ADNP2: variants seen among roughly 807,000 people sequenced by gnomAD.
The protein encoded by ADNP2 is ADNP homeobox 2.
Under a neutral mutation model 16.4 loss-of-function variants are expected in ADNP2, and 8 were observed. The observed-to-expected ratio is 0.49, with a 90% CI of 0.29 to 0.88. The LOEUF (loss-of-function observed/expected upper bound fraction) is 0.88. ADNP2 is among the 40% of genes least tolerant of loss of function. The pLI is 0.09. For synonymous variants in ADNP2, 637 were observed against 545.8 expected (o/e 1.17, Z -2.33); for missense variants, 1,397 against 1,395.1 (o/e 1.00, Z -0.02).
rs2052500346 is a variant in ADNP2 at position 80,132,037 on chromosome 18, AT to A, written c.109-1065del. Among the ~76,000 whole-genome samples, 4 of 152,346 alleles carry A rather than the reference AT, an allele frequency of 2.6e-5. No individual in the cohort carries two copies. The South Asian group carries it at 8.3e-4, about 32-fold the overall frequency. On this transcript the variant is annotated intron_variant, in intron 2 of 3. Coordinates refer to ENST00000262198, the MANE Select transcript of ADNP2 (RefSeq NM_014913.4). ...TTGAAGTACTTTTTTGTTTCTTTAT[AT>A]GTACTCATGAAGCTACATGGGTTTT...
chr18:80,111,862 T>C (rs72976350), intron 1 of ADNP2, among the ~76,000 whole-genome samples: 38,581 of 152,012 alleles, frequency 0.25, 6,415 homozygotes, highest in Non-Finnish European at 0.38. Flanking sequence ...TCTTTTAGAA[T>C]GTATTTTTTT....
At chr18:80,128,857 G>A (rs1053683962) in intron 2 of ADNP2, among the ~76,000 whole-genome samples, 1 of 151,686 alleles carries the variant, frequency 6.6e-6, no homozygotes, top group Non-Finnish European at 1.5e-5. Flanking sequence ...GCAGGTAACC[G>A]TTTCTAATTA....
At chr18:80,133,302 A>G in intron 3 of ADNP2, 110 bp downstream of exon 3, 1 of 857,594 alleles carries the variant, frequency 1.2e-6, no homozygotes, top group South Asian at 1.4e-5. Flanking sequence ...GTGAATGGGG[A>G]GGAGGAATAA....
At chr18:80,121,681 G>T (rs575800161) in intron 2 of ADNP2, among the ~76,000 whole-genome samples, 1 of 152,200 alleles carries the variant, frequency 6.6e-6, no homozygotes, top group East Asian at 1.9e-4. Flanking sequence ...ATGTTAAGTC[G>T]CTGATCTATT....
Position 80,138,450 on chromosome 18 carries a change from A to G in ADNP2, c.3037A>G (p.Ser1013Gly), listed in dbSNP as rs774053283. 2 of 1,614,076 alleles carry G rather than the reference A, an allele frequency of 1.2e-6. No homozygotes were observed. Among genetic ancestry groups the G allele is most frequent in the African/African-American group, 1.3e-5 (1 of 75,034 alleles). Residue 1013 changes from serine (S) to glycine (G), a missense_variant, in exon 4 of 4, where the codon AGT becomes GGT. By Grantham distance (56) the Ser-to-Gly change is moderately conservative (BLOSUM62 0). Coordinates refer to ENST00000262198, the MANE Select transcript of ADNP2 (RefSeq NM_014913.4). Reference sequence around the variant, plus strand: ...AGCCCCGGGTCCAGAAAAGGTGACGAGTGTTGTGCCTTTTAAAAGACAAAG... The same window carrying G: ...AGCCCCGGGTCCAGAAAAGGTGACGGGTGTTGTGCCTTTTAAAAGACAAAG... ...DAAPGPEKVTSVVPFKRQRNE... is the reference protein window; with the variant it reads ...DAAPGPEKVTGVVPFKRQRNE...
chr18:80,121,021 ATAGT>A (rs1490484842), intron 2 of ADNP2, among the ~76,000 whole-genome samples: 2 of 152,208 alleles, frequency 1.3e-5, no homozygotes, highest in Admixed American at 6.5e-5. Context: ...TTTGGGTCAT[ATAGT>A]TATTCTGTTT....
chr18:80,123,158 T>C (rs1173396663), intron 2 of ADNP2, among the ~76,000 whole-genome samples: 1 of 152,218 alleles, frequency 6.6e-6, no homozygotes, highest in Non-Finnish European at 1.5e-5. Context: ...TTTGCATTCT[T>C]GGGATGGAAT....
At chr18:80,122,397 A>G (rs984829440) in intron 2 of ADNP2, among the ~76,000 whole-genome samples, 1 of 152,172 alleles carries the variant, frequency 6.6e-6, no homozygotes. Context: ...GACTCTTAGA[A>G]CTTTGATGAG....
intron 2 of ADNP2, among the ~76,000 whole-genome samples, chr18:80,124,051 C>G (rs775222960): frequency 2.5e-4 from 38 of 152,104 alleles, no homozygotes; most frequent in Non-Finnish European, 4.4e-4. Flanking sequence ...TTTTAGGATT[C>G]ACCAGTGAAG....
At chr18:80,110,305 A>G (rs1361327383) in intron 1 of ADNP2, among the ~76,000 whole-genome samples, 1 of 152,204 alleles carries the variant, frequency 6.6e-6, no homozygotes, top group Non-Finnish European at 1.5e-5. Flanking sequence ...AAATAATTAG[A>G]TATTTTAAGT....
chr18:80,114,512 A>C (rs1568407704), intron 1 of ADNP2, among the ~76,000 whole-genome samples: 1 of 152,218 alleles, frequency 6.6e-6, no homozygotes, highest in Non-Finnish European at 1.5e-5. Context: ...ATCACTTGAG[A>C]ATAAGTTGCC....
intron 2 of ADNP2, among the ~76,000 whole-genome samples, chr18:80,119,679 C>T (rs181266277): frequency 4.6e-5 from 7 of 152,276 alleles, no homozygotes; most frequent in Non-Finnish European, 8.8e-5. Flanking sequence ...GACTCTTCCA[C>T]GAATCTAATA....
At chr18:80,129,284 A>G (rs2052481188) in intron 2 of ADNP2, among the ~76,000 whole-genome samples, 1 of 151,740 alleles carries the variant, frequency 6.6e-6, no homozygotes, top group African/African-American at 2.4e-5. Context: ...TTGTATTTTT[A>G]GTAGAGATGG....
At chr18:80,135,025 A>G (rs939645049) in intron 3 of ADNP2, among the ~76,000 whole-genome samples, 5 of 152,228 alleles carry the variant, frequency 3.3e-5, no homozygotes, top group Non-Finnish European at 1.5e-5. Context: ...ATTAAGAGAA[A>G]TGGGATGAGG....
At chr18:80,131,350 A>G (rs1025080579) in intron 2 of ADNP2, among the ~76,000 whole-genome samples, 2 of 152,228 alleles carry the variant, frequency 1.3e-5, no homozygotes, top group African/African-American at 4.8e-5. Flanking sequence ...GGTCTTTTGC[A>G]TAATTTTCTC....
intron 3 of ADNP2, among the ~76,000 whole-genome samples, chr18:80,134,799 A>G (rs1283397505): frequency 1.3e-5 from 2 of 152,076 alleles, no homozygotes; most frequent in Admixed American, 1.3e-4. Context: ...AGGGTCATCC[A>G]TAGTGTGAGT....
At position 80,137,219 on chromosome 18, in the gene ADNP2, C is replaced by T. The variant is rs2052545654; in HGVS notation, c.1806C>T (p.Leu602=). 2 of 1,614,256 alleles carry T rather than the reference C, an allele frequency of 1.2e-6. No individual in the cohort carries two copies. Among genetic ancestry groups the T allele is most frequent in the Non-Finnish European group, 1.7e-6 (2 of 1,180,032 alleles). The change falls in exon 4 of 4, where the codon CTC becomes CTT. Residue 602 remains leucine, a synonymous_variant. Transcript: ENST00000262198. This position sits in a 1 kb window ranked among gnomAD's most constrained non-coding sequence, Gnocchi z 4.2. ...FLTSGSILRQ[L]IPTGKQVNGI... is the part of the protein sequence containing the mutation. ...CATCAGGCTCTATTCTCAGACAGCTCATCCCTACAGGGAAACAAGTGAATG... is the reference window on the plus strand; with the variant it reads ...CATCAGGCTCTATTCTCAGACAGCTTATCCCTACAGGGAAACAAGTGAATG...
Position 80,136,671 on chromosome 18 carries a change from C to G in ADNP2, c.1258C>G (p.Pro420Ala). ...INRPVGPGVLPVSPSVTPGVL... is the reference protein window; with the variant it reads ...INRPVGPGVLAVSPSVTPGVL... ...CAGACCTGTTGGGCCTGGTGTTCTT[C>G]CTGTGAGCCCCTCTGTCACCCCTGG... is the stretch of plus-strand genomic sequence containing the variant. The change falls in exon 4 of 4, where the codon CCT becomes GCT. Residue 420 changes from proline (P) to alanine (A), a missense_variant. By Grantham distance (27) the Pro-to-Ala change is conservative. Transcript: ENST00000262198. 1 of 1,613,306 alleles carries G rather than the reference C, an allele frequency of 6.2e-7. No individual in the cohort carries two copies. The highest frequency in any genetic ancestry group is 8.5e-7 in the Non-Finnish European group (1 of 1,179,498).
chr18:80,118,458 C>T (rs930447069), intron 2 of ADNP2, among the ~76,000 whole-genome samples: 5 of 151,970 alleles, frequency 3.3e-5, no homozygotes, highest in South Asian at 2.1e-4. Context: ...CTTATATATC[C>T]TTGTAGTCAT....
Sources: gnomAD v4.1 joint callset for allele counts (sites outside exome capture counted in the v4.1 genomes callset) on GRCh38, gnomAD v4.1.1 for gene constraint, Gnocchi (gnomAD v3.1) non-coding constraint, MANE v1.5 for transcripts, NCBI Gene and HGNC (gene_info 2026-07-23, HGNC 2026-07-21) for gene names.